The following FAN1 variants were observed in gnomAD, a reference collection of about 807,000 sequenced individuals.
FAN1 encodes FANCD2 and FANCI associated nuclease 1, also known as fanconi-associated nuclease 1.
In FAN1, 91 loss-of-function variants were observed where a neutral mutation model predicts 104.9. That is an observed-to-expected ratio of 0.87 (90% CI 0.73 to 1.03). FAN1 has a LOEUF of 1.03. Ranked by LOEUF, FAN1 falls within the 50% of genes least tolerant of loss-of-function variation. The pLI is 0.00. For synonymous variants in FAN1, 478 were observed against 457.6 expected, an observed-to-expected ratio of 1.04 and a Z score of -0.57; for missense variants, 1,263 against 1,239.9, an observed-to-expected ratio of 1.02 and a Z score of -0.28.
chr15:30,940,931 G>T (rs750611550), intron 14 of FAN1: 1 of 1,082,100 alleles, frequency 9.2e-7, no homozygotes, highest in African/African-American at 1.7e-5. Context: ...AAAACACAGT[G>T]ATCTAAGGTT....
At chr15:30,935,239 T>G (rs1258657697) in intron 13 of FAN1, among the ~76,000 whole-genome samples, 1 of 151,604 alleles carries the variant, frequency 6.6e-6, no homozygotes, top group East Asian at 1.9e-4. Context: ...GGCTGGGAGG[T>G]CAAGGCTGCA....
Position 30,929,864 on chromosome 15 carries a change from T to TATA in FAN1, c.2787+468_2787+470dup, listed in dbSNP as rs1404307735. ...TATATAAAATATATATCATATATAATATATATAAAATATATAATATATATC... is the reference window on the plus strand; with the variant it reads ...TATATAAAATATATATCATATATAATATAATATATAAAATATATAATATATATC... On this transcript the variant is annotated intron_variant, in intron 12 of 14. Coordinates refer to ENST00000362065, the MANE Select transcript of FAN1 (RefSeq NM_014967.5). Among the ~76,000 whole-genome samples, 15 of 61,788 alleles carry TATA rather than the reference T, an allele frequency of 2.4e-4. 1 individual carries two copies. The highest frequency in any genetic ancestry group is 1.4e-3 in the African/African-American group (13 of 9,576). 40.5% of individuals were successfully genotyped at this position (61,788 alleles called of 152,430 possible).
chr15:30,913,160 C>G (rs1249605783), intron 4 of FAN1, among the ~76,000 whole-genome samples: 2 of 152,204 alleles, frequency 1.3e-5, no homozygotes, highest in Non-Finnish European at 2.9e-5. Context: ...TGAGCTTTGC[C>G]TCCTGTCAGA....
chr15:30,908,073 A>G, intron 2 of FAN1, 45 bp from the exon 3 acceptor site: 1 of 1,532,992 alleles, frequency 6.5e-7, no homozygotes, highest in Non-Finnish European at 8.8e-7. Context: ...TAGGTTTAAA[A>G]GGTAAATGCA....
At chr15:30,927,938 AC>A in intron 10 of FAN1, 1 of 985,838 alleles carries the variant, frequency 1.0e-6, no homozygotes, top group Non-Finnish European at 1.2e-6. Flanking sequence ...CATTTGTGTG[AC>A]GTGAGGAGGG....
Position 30,929,904 on chromosome 15 carries a change from AAATATAT to A in FAN1, c.2787+516_2787+522del, listed in dbSNP as rs1183288708. On this transcript the variant is annotated intron_variant, in intron 12 of 14. Coordinates refer to ENST00000362065, the MANE Select transcript of FAN1 (RefSeq NM_014967.5). ...TAATATATATCATATATAATATATA[AAATATAT>A]AATATATATCATATATAATATATAA... is the stretch of plus-strand genomic sequence containing the variant. 1.0e-4 allele frequency among the ~76,000 whole-genome samples: 8 copies of A among 76,592 alleles called. 2 individuals carry two copies. Among genetic ancestry groups the A allele is most frequent in the Non-Finnish European group, 1.4e-4 (6 of 44,338 alleles). 50.2% of individuals were successfully genotyped at this position (76,592 alleles called of 152,430 possible).
chr15:30,922,460 TTTCTTTTGTTAACATTC>T, intron 8 of FAN1, 106 bp downstream of exon 8: 1 of 1,141,286 alleles, frequency 8.8e-7, no homozygotes, highest in Non-Finnish European at 1.3e-6. Context: ...AGAACATGTA[TTTCTTTTGTTAACATTC>T]TTCTTTTGTC....
rs756481052 is a variant in FAN1, at chr15:30,930,676, G to A, written c.2916+5G>A. The A allele has an allele frequency of 6.2e-7, 1 of 1,612,720 alleles. No homozygotes were observed. Among genetic ancestry groups the A allele is most frequent in the South Asian group, 1.1e-5 (1 of 90,760 alleles). ...TCCCAGAGCCGTCACTTTAAGGTCA[G>A]TTGAGGCAGAATGGAAAGTCCTGTT... On this transcript the variant is annotated splice_donor_5th_base_variant and intron_variant, in intron 13 of 14. Transcript: ENST00000362065.
At chr15:30,906,006 G>A in intron 2 of FAN1, 109 bp downstream of exon 2, 5 of 1,007,522 alleles carry the variant, frequency 5.0e-6, no homozygotes, top group Admixed American at 2.1e-5. Flanking sequence ...TCACTGTGGT[G>A]TTGTGAGCAC....
At chr15:30,928,329 A>G (rs987532097) in intron 10 of FAN1, 1 of 1,298,270 alleles carries the variant, frequency 7.7e-7, no homozygotes, top group Non-Finnish European at 9.7e-7. Context: ...TTTTTCTATG[A>G]TTACTAAGAT....
chr15:30,914,007 TG>T lies in FAN1; in HGVS notation c.1729del (p.Val577SerfsTer36). ...CAGGGACAGCTTTCAACAGTCCTGTTGGTCAACCTCGGCCGAATGGAGTTTC... is the reference window on the plus strand; with the variant it reads ...CAGGGACAGCTTTCAACAGTCCTGTTGTCAACCTCGGCCGAATGGAGTTTC... ...GGQGQLSTVLLVNLGRMEFPS... is the reference protein window; with the variant it reads ...GGQGQLSTVLXVNLGRMEFPS... On this transcript the variant is annotated frameshift_variant, in exon 5 of 15. Coordinates refer to ENST00000362065, the MANE Select transcript of FAN1 (RefSeq NM_014967.5). LOFTEE classifies it high-confidence loss of function. 6.2e-7 allele frequency: 1 copy of T among 1,614,216 alleles called. No homozygotes were observed. Among genetic ancestry groups the T allele is most frequent in the Non-Finnish European group, 8.5e-7 (1 of 1,180,024 alleles).
intron 7 of FAN1, among the ~76,000 whole-genome samples, 173 bp from the exon 8 acceptor site, chr15:30,922,062 C>T (rs549854383): frequency 6.6e-6 from 1 of 152,344 alleles, no homozygotes; most frequent in East Asian, 1.9e-4. Flanking sequence ...CTCATGCCCA[C>T]TCCAGAAGGC....
At chr15:30,936,408 G>C (rs1566936611) in intron 13 of FAN1, among the ~76,000 whole-genome samples, 1 of 150,280 alleles carries the variant, frequency 6.7e-6, no homozygotes, top group South Asian at 2.1e-4. Flanking sequence ...ATGGCAAGAA[G>C]GTTAGATTTA....
intron 10 of FAN1, chr15:30,927,796 G>T: frequency 4.1e-6 from 4 of 985,762 alleles, no homozygotes; most frequent in Non-Finnish European, 4.8e-6. Flanking sequence ...GGATGAGCTG[G>T]GGCTTGCTCA....
chr15:30,935,579 T>G (rs1416614400), intron 13 of FAN1, among the ~76,000 whole-genome samples: 2 of 150,272 alleles, frequency 1.3e-5, no homozygotes, highest in Non-Finnish European at 3.0e-5. Context: ...TGTGCTAGAA[T>G]ATGCAGATGC....
chr15:30,942,691 T>C lies in FAN1; in HGVS notation c.*1129T>C. On this transcript the variant is annotated 3_prime_UTR_variant, in exon 15 of 15. Transcript: ENST00000362065. ...AAGCTGCAATCTGCCCACTCTCAGG[T>C]ACTGAGACTTTGTGGGCCTCAGACA... 3.6e-6 allele frequency: 2 copies of C among 555,156 alleles called. No homozygotes were observed. Among genetic ancestry groups the C allele is most frequent in the Non-Finnish European group, 6.2e-6 (2 of 324,458 alleles). 34.4% of individuals were successfully genotyped at this position (555,156 alleles called of 1,614,324 possible).
At position 30,941,631 on chromosome 15, in the gene FAN1, G is replaced by A. The variant is rs760252104; in HGVS notation, c.*69G>A. ...TCCGGTGTCCCCGAGGTGTCGGTGT[G>A]GTGAGGGCCGCTGGCGTTGAAGTAC... On this transcript the variant is annotated 3_prime_UTR_variant, in exon 15 of 15. Coordinates refer to ENST00000362065, the MANE Select transcript of FAN1 (RefSeq NM_014967.5). 3.1e-6 allele frequency: 5 copies of A among 1,607,276 alleles called. No homozygotes were observed. The highest frequency in any genetic ancestry group is 1.3e-5 in the African/African-American group (1 of 74,846).
intron 13 of FAN1, among the ~76,000 whole-genome samples, chr15:30,935,450 AAAC>A (rs1002948967): frequency 2.0e-5 from 3 of 152,352 alleles, no homozygotes; most frequent in African/African-American, 7.2e-5. Flanking sequence ...GAAAAAAGAA[AAAC>A]AATAAAAAGT....
chr15:30,925,938 G>A lies in FAN1; in HGVS notation c.2487G>A (p.Gln829=). 1 of 1,614,066 alleles carries A rather than the reference G, an allele frequency of 6.2e-7. No homozygotes were observed. Among genetic ancestry groups the A allele is most frequent in the Non-Finnish European group, 8.5e-7 (1 of 1,179,952 alleles). The part of the protein sequence containing the change: ...LAHYRRSGFD[Q]GIHGEGSTFS... Reference sequence around the variant, plus strand: ...ATTACAGACGCAGCGGTTTTGACCAGGGTAACTGAGCAGGCTTTCTCTTGT... The same window carrying A: ...ATTACAGACGCAGCGGTTTTGACCAAGGTAACTGAGCAGGCTTTCTCTTGT... Residue 829 remains glutamine (Q), a splice_region_variant and synonymous_variant, in exon 10 of 15, where the codon CAG becomes CAA. Transcript: ENST00000362065.
Sources: allele counts gnomAD v4.1 joint callset (sites outside exome capture counted in the v4.1 genomes callset), GRCh38; gene constraint gnomAD v4.1.1; transcripts MANE v1.5; gene names NCBI Gene and HGNC (gene_info 2026-07-23, HGNC 2026-07-21).